The following PBX1 variants were observed in gnomAD, a reference collection of about 807,000 sequenced individuals.
PBX1 encodes the protein pre-B-cell leukemia transcription factor 1.
PBX1 carries 6 observed loss-of-function variants against 53.4 expected under a neutral mutation model. The observed-to-expected ratio is 0.11, with a 90% CI of 0.06 to 0.22. PBX1 has a LOEUF of 0.22. Ranked by LOEUF, PBX1 falls within the 10% of genes least tolerant of loss-of-function variation. PBX1 has a pLI of 1.00. For synonymous variants in PBX1, 204 were observed against 212.3 expected, an observed-to-expected ratio of 0.96 and a Z score of 0.34; for missense variants, 251 against 551.4, an observed-to-expected ratio of 0.46 and a Z score of 5.46.
intron 2 of PBX1, chr1:164,770,163 G>A (rs1174846899): frequency 6.6e-6 from 1 of 152,202 alleles, no homozygotes; most frequent in African/African-American, 2.4e-5. Context: ...AGTCTAAATT[G>A]ATATTCAAAG....
At chr1:164,862,021 C>A (rs571704173) in intron 2 of PBX1, among the ~76,000 whole-genome samples, 1 of 152,062 alleles carries the variant, frequency 6.6e-6, no homozygotes, top group Non-Finnish European at 1.5e-5. Context: ...TTTGAGTGAA[C>A]CTGGAGGCCT....
chr1:164,860,086 A>G (rs1672062807), intron 2 of PBX1, among the ~76,000 whole-genome samples: 1 of 152,226 alleles, frequency 6.6e-6, no homozygotes, highest in Admixed American at 6.5e-5. Flanking sequence ...TGACCCAATT[A>G]CTTCAAATCA....
Position 164,836,910 on chromosome 1 carries a change from G to A in PBX1, c.1201-9674G>A, listed in dbSNP as rs573986026. 2.7e-3 allele frequency among the ~76,000 whole-genome samples: 415 copies of A among 152,312 alleles called. 1 individual carries two copies. Among genetic ancestry groups the A allele is most frequent in the Non-Finnish European group, 4.8e-3 (328 of 68,026 alleles). On this transcript the variant is annotated intron_variant, in intron 8 of 8. Transcript: ENST00000420696. ...AGAGGCTGCCAACGGAGCCTTTGTG[G>A]CTTTGTCTCAGTGATGGCACGTAAA...
intron 2 of PBX1, among the ~76,000 whole-genome samples, chr1:164,688,187 G>T (rs975464460): frequency 6.6e-6 from 1 of 152,094 alleles, no homozygotes; most frequent in Non-Finnish European, 1.5e-5. Context: ...TGAAACGTGT[G>T]CATCCGCCTT....
intron 2 of PBX1, among the ~76,000 whole-genome samples, chr1:164,732,464 G>A (rs546790652): frequency 4.6e-5 from 7 of 152,214 alleles, no homozygotes; most frequent in Non-Finnish European, 8.8e-5. Flanking sequence ...CCTTCTAGCA[G>A]ATGACATTGC....
At position 164,847,897 on chromosome 1, in the gene PBX1, C is replaced by G. The variant is rs1671650291; in HGVS notation, c.*1221C>G. ...GTTTCCAGTGTAAACTACTCTTGTT[C>G]CCACCACCTCTGGAGCACTCAGGGA... On this transcript the variant is annotated 3_prime_UTR_variant, in exon 9 of 9. Coordinates refer to ENST00000420696, the MANE Select transcript of PBX1 (RefSeq NM_002585.4). The G allele has an allele frequency of 9.5e-7, 1 of 1,054,574 alleles. No individual in the cohort carries two copies. The highest frequency in any genetic ancestry group is 1.1e-6 in the Non-Finnish European group (1 of 872,532). The allele number at this position is 1,054,574 out of a possible 1,614,324, so 65.3% of individuals were successfully genotyped here. A position where few individuals can be genotyped will look rare whatever the true frequency, so the allele number is the denominator to read the frequency against.
At chr1:164,743,471 A>G (rs1665725452) in intron 2 of PBX1, among the ~76,000 whole-genome samples, 1 of 152,140 alleles carries the variant, frequency 6.6e-6, no homozygotes, top group Admixed American at 6.5e-5. Context: ...TCCAGTGCTC[A>G]CTTTTGCATG....
At chr1:164,560,787 A>T (rs1162090893) in intron 1 of PBX1, among the ~76,000 whole-genome samples, 1 of 152,120 alleles carries the variant, frequency 6.6e-6, no homozygotes, top group Non-Finnish European at 1.5e-5. Flanking sequence ...ACAGACAGCT[A>T]TGTAGGGTCC....
intron 2 of PBX1, among the ~76,000 whole-genome samples, chr1:164,616,412 A>G (rs1181338255): frequency 1.3e-5 from 2 of 152,210 alleles, no homozygotes; most frequent in Admixed American, 1.3e-4. Flanking sequence ...GGTGGGAAAC[A>G]CTGGCTAGGC....
At chr1:164,618,645 C>A (rs906086554) in intron 2 of PBX1, among the ~76,000 whole-genome samples, 3 of 151,986 alleles carry the variant, frequency 2.0e-5, no homozygotes, top group Non-Finnish European at 4.4e-5. Context: ...GTTTTTTTAC[C>A]AAGCTCTGCT....
At chr1:164,867,129 T>C (rs1450890432) in intron 2 of PBX1, among the ~76,000 whole-genome samples, 1 of 152,222 alleles carries the variant, frequency 6.6e-6, no homozygotes, top group Non-Finnish European at 1.5e-5. Flanking sequence ...CTCTAGGTTT[T>C]ACATCTTCGA....
chr1:164,796,974 T>C (rs1668817756), intron 3 of PBX1, among the ~76,000 whole-genome samples: 1 of 152,130 alleles, frequency 6.6e-6, no homozygotes, highest in African/African-American at 2.4e-5. Flanking sequence ...GAGGTATGGG[T>C]AGCTCCTTCC....
At chr1:164,766,963 C>T (rs895057775) in intron 2 of PBX1, among the ~76,000 whole-genome samples, 6 of 151,658 alleles carry the variant, frequency 4.0e-5, no homozygotes, top group Non-Finnish European at 5.9e-5. Context: ...CTCCCGACCT[C>T]GTGATCCGCC....
intron 6 of PBX1, chr1:164,814,474 G>A (rs898106909): frequency 9.2e-5 from 14 of 152,136 alleles, no homozygotes; most frequent in African/African-American, 2.7e-4. Flanking sequence ...GGGTGCAGTG[G>A]CTCATGCCTG....
chr1:164,559,360 A>G lies in PBX1; in HGVS notation c.-463A>G, dbSNP rs1473542645. 8.6e-5 allele frequency: 18 copies of G among 208,504 alleles called. No homozygotes were observed. The highest frequency in any genetic ancestry group is 1.3e-4 in the Non-Finnish European group (13 of 103,448). 12.9% of individuals were successfully genotyped at this position (208,504 alleles called of 1,614,324 possible). On this transcript the variant is annotated 5_prime_UTR_variant, in exon 1 of 9. Coordinates refer to ENST00000420696, the MANE Select transcript of PBX1 (RefSeq NM_002585.4). ...GGGGGGCAGCGGGGGGTGGGGGGGGAAAGTTTGCATTGCAATCCCCCTGCC... is the reference window on the plus strand; with the variant it reads ...GGGGGGCAGCGGGGGGTGGGGGGGGGAAGTTTGCATTGCAATCCCCCTGCC...
In PBX1 at chr1:164,847,582, A is replaced by G. The variant is rs1172425755; in HGVS notation, c.*906A>G. The G allele has an allele frequency of 1.9e-6, 2 of 1,062,846 alleles. No individual in the cohort carries two copies. Among genetic ancestry groups the G allele is most frequent in the Admixed American group, 5.4e-5 (1 of 18,658 alleles). 65.8% of individuals were successfully genotyped at this position (1,062,846 alleles called of 1,614,324 possible). A position where few individuals can be genotyped will look rare whatever the true frequency, so the allele number is the denominator to read the frequency against. ...CATCAGCAAGGAATAGAAAGTTCTT[A>G]TCGTGAAACCCTTCAACCTCAACTA... On this transcript the variant is annotated 3_prime_UTR_variant, in exon 9 of 9. Transcript: ENST00000420696.
intron 2 of PBX1, among the ~76,000 whole-genome samples, chr1:164,670,896 G>A (rs576266337): frequency 5.6e-4 from 86 of 152,318 alleles, no homozygotes; most frequent in African/African-American, 2.0e-3. Context: ...TGCAAAGGCA[G>A]CAGTGCCTTA....
At chr1:164,670,113 C>G (rs1278259627) in intron 2 of PBX1, among the ~76,000 whole-genome samples, 1 of 152,120 alleles carries the variant, frequency 6.6e-6, no homozygotes, top group Non-Finnish European at 1.5e-5. Flanking sequence ...GGACTCTGCC[C>G]TCAAGTGACC....
chr1:164,782,558 C>A (rs535057386), intron 2 of PBX1, among the ~76,000 whole-genome samples: 2 of 152,156 alleles, frequency 1.3e-5, no homozygotes, highest in East Asian at 3.8e-4. Flanking sequence ...TATTAGGAAC[C>A]CTGCCTTTGA....
Sources: gnomAD v4.1 joint callset for allele counts (sites outside exome capture counted in the v4.1 genomes callset) on GRCh38, gnomAD v4.1.1 for gene constraint, MANE v1.5 for transcripts, NCBI Gene and HGNC (gene_info 2026-07-23, HGNC 2026-07-21) for gene names.